ASTN2: variants seen among roughly 807,000 people sequenced by gnomAD.
ASTN2 encodes astrotactin-2.
ASTN2 carries 54 observed loss-of-function variants against 139.8 expected under a neutral mutation model. The ratio of observed to expected loss-of-function variants is 0.39; its 90% CI spans 0.31 to 0.48. The LOEUF (loss-of-function observed/expected upper bound fraction) is 0.48, where lower values mean the gene tolerates loss of function less well. ASTN2 is among the 20% of genes least tolerant of loss of function. The pLI is 0.95. For missense variants in ASTN2, 1,565 were observed against 1,725.1 expected, an observed-to-expected ratio of 0.91 and a Z score of 1.64; for synonymous variants, 756 against 719.5, an observed-to-expected ratio of 1.05 and a Z score of -0.81.
chr9:117,146,394 G>A (rs1830196265), intron 3 of ASTN2, among the ~76,000 whole-genome samples: 1 of 151,542 alleles, frequency 6.6e-6, no homozygotes, highest in Non-Finnish European at 1.5e-5. Flanking sequence ...AAACCACTGG[G>A]GCCTGAGGAA....
chr9:117,095,386 TG>T (rs1828815367), intron 5 of ASTN2, among the ~76,000 whole-genome samples: 1 of 152,244 alleles, frequency 6.6e-6, no homozygotes, highest in African/African-American at 2.4e-5. Context: ...TGTGGAGTCC[TG>T]CTTCAGCATT....
At chr9:116,734,875 G>A (rs1044066512) in intron 13 of ASTN2, among the ~76,000 whole-genome samples, 1 of 152,080 alleles carries the variant, frequency 6.6e-6, no homozygotes, top group African/African-American at 2.4e-5. Context: ...TGAGTCCAGA[G>A]GATGTGACAT....
At chr9:116,565,255 C>CACACACACAT (rs1237588683) in intron 19 of ASTN2, among the ~76,000 whole-genome samples, 59 of 111,048 alleles carry the variant, frequency 5.3e-4, no homozygotes, top group African/African-American at 2.3e-3. Context: ...CACACACACA[C>CACACACACAT]ACATATGCCC....
chr9:117,096,979 T>C (rs1587959374), intron 4 of ASTN2, among the ~76,000 whole-genome samples: 1 of 152,102 alleles, frequency 6.6e-6, no homozygotes, highest in South Asian at 2.1e-4. Flanking sequence ...AAACGGAGGA[T>C]AGGGAGCTTT....
intron 5 of ASTN2, among the ~76,000 whole-genome samples, chr9:117,050,969 A>G (rs1838897528): frequency 6.6e-6 from 1 of 152,150 alleles, no homozygotes; most frequent in Non-Finnish European, 1.5e-5. Context: ...ATCTAAGCAG[A>G]CCAACTTTCA....
At chr9:117,181,268 C>T (rs1397541284) in intron 3 of ASTN2, 1 of 481,728 alleles carries the variant, frequency 2.1e-6, no homozygotes, top group Admixed American at 3.5e-5. Context: ...ATAACTATTT[C>T]AGAGATGGGG....
intron 5 of ASTN2, among the ~76,000 whole-genome samples, chr9:117,051,963 C>T (rs1323556226): frequency 1.3e-5 from 2 of 152,134 alleles, no homozygotes; most frequent in East Asian, 1.9e-4. Flanking sequence ...CCCAAACATT[C>T]CCACAACATG....
At chr9:117,298,131 C>T (rs984397383) in intron 1 of ASTN2, among the ~76,000 whole-genome samples, 52 of 152,330 alleles carry the variant, frequency 3.4e-4, no homozygotes, top group African/African-American at 1.2e-3. Context: ...ATGTTTTCTA[C>T]TATCCCTCAT....
rs552304935 is a variant in ASTN2 at position 116,958,655 on chromosome 9, GC to G, written c.1889+16552del. Among the ~76,000 whole-genome samples the G allele has an allele frequency of 5.3e-5, 8 of 152,218 alleles. No individual in the cohort carries two copies. The South Asian group carries it at 1.7e-3, about 32-fold the overall frequency. On this transcript the variant is annotated intron_variant, in intron 10 of 22. Coordinates refer to ENST00000313400, the MANE Select transcript of ASTN2 (RefSeq NM_001365068.1). ...TGGAAGAAGAGATGTTTAAACTGAG[GC>G]CAAAAGGATGAGTAGGAATAGCCCT... is the stretch of plus-strand genomic sequence containing the variant.
At chr9:117,028,002 T>C (rs1838145993) in intron 6 of ASTN2, among the ~76,000 whole-genome samples, 1 of 152,126 alleles carries the variant, frequency 6.6e-6, no homozygotes, top group African/African-American at 2.4e-5. Context: ...TGGAGGAGTG[T>C]AGATTTAAAC....
intron 10 of ASTN2, among the ~76,000 whole-genome samples, chr9:116,929,633 A>G (rs1198182144): frequency 1.3e-5 from 2 of 152,120 alleles, no homozygotes; most frequent in Admixed American, 1.3e-4. Flanking sequence ...CTTCCCCACT[A>G]TCTCATCTAA....
chr9:116,510,828 CT>C (rs1212344154), intron 19 of ASTN2, among the ~76,000 whole-genome samples: 4 of 152,088 alleles, frequency 2.6e-5, no homozygotes, highest in African/African-American at 9.7e-5. Context: ...TATAAGAATG[CT>C]TGTGATTTTT....
intron 19 of ASTN2, among the ~76,000 whole-genome samples, chr9:116,600,344 A>AAAAGAAAGAAAG (rs1564144184): frequency 1.4e-5 from 2 of 142,422 alleles, no homozygotes; most frequent in Admixed American, 6.8e-5. Context: ...AAAAAAAAAA[A>AAAAGAAAGAAAG]AAAGAAAGAA....
At chr9:116,767,694 C>T (rs1588276439) in intron 13 of ASTN2, among the ~76,000 whole-genome samples, 2 of 152,152 alleles carry the variant, frequency 1.3e-5, no homozygotes, top group East Asian at 3.8e-4. Context: ...GGGATATAAC[C>T]TCTTGGTGTA....
chr9:117,263,300 T>C (rs1373810098), intron 2 of ASTN2, among the ~76,000 whole-genome samples: 2 of 152,200 alleles, frequency 1.3e-5, no homozygotes, highest in East Asian at 3.9e-4. Context: ...AGTATAACTT[T>C]GTGTGAACAT....
intron 2 of ASTN2, among the ~76,000 whole-genome samples, chr9:117,276,758 T>C (rs1163251805): frequency 6.6e-5 from 10 of 152,010 alleles, no homozygotes; most frequent in Admixed American, 5.2e-4. Context: ...AAGCAAGAGC[T>C]TTGCTGCCAA....
chr9:117,187,172 C>T (rs1831221151), intron 3 of ASTN2, among the ~76,000 whole-genome samples: 1 of 152,066 alleles, frequency 6.6e-6, no homozygotes, highest in African/African-American at 2.4e-5. Context: ...TAATGGAGAA[C>T]ACAGTGTGGT....
In ASTN2 at chr9:117,346,743, C is replaced by T. The variant is rs538915637; in HGVS notation, c.443-55230G>A. On this transcript the variant is annotated intron_variant, in intron 1 of 22. Transcript: ENST00000313400. ...CTGTTCAGGGCCACCTCTATTCCCT[C>T]AAGGTGATACATATGATACATGGGT... Among the ~76,000 whole-genome samples, 17 of 152,226 alleles carry T rather than the reference C, an allele frequency of 1.1e-4. No homozygotes were observed. In the South Asian group the frequency reaches 3.3e-3, roughly 30 times the overall value.
intron 20 of ASTN2, among the ~76,000 whole-genome samples, chr9:116,478,810 G>A (rs1034115650): frequency 6.6e-6 from 1 of 151,690 alleles, no homozygotes; most frequent in Non-Finnish European, 1.5e-5. Flanking sequence ...TGGCCAATAT[G>A]GTGAAACCCC....
Sources: gnomAD v4.1 joint callset for allele counts (sites outside exome capture counted in the v4.1 genomes callset) on GRCh38, gnomAD v4.1.1 for gene constraint, MANE v1.5 for transcripts, NCBI Gene and HGNC (gene_info 2026-07-23, HGNC 2026-07-21) for gene names.